Variants in PPP2R2A observed in about 807,000 individuals in gnomAD.
The protein encoded by PPP2R2A is protein phosphatase 2 regulatory subunit Balpha, also known as serine/threonine-protein phosphatase 2A 55 kDa regulatory subunit B alpha isoform.
A neutral mutation model predicts 53.2 loss-of-function variants in PPP2R2A; 9 were observed. The observed-to-expected ratio is 0.17, with a 90% CI of 0.10 to 0.30. The LOEUF is 0.30. Ranked by LOEUF, PPP2R2A falls within the 10% of genes least tolerant of loss-of-function variation. The pLI is 1.00. For missense variants in PPP2R2A, 235 were observed against 534.6 expected (o/e 0.44, Z 5.53); for synonymous variants, 169 against 174.2 (o/e 0.97, Z 0.23).
rs1276226798 is a variant in PPP2R2A, at chr8:26,362,038, ATC to A, written c.638-644_638-643del. Among the ~76,000 whole-genome samples, 1 of 141,088 alleles carries A rather than the reference ATC, an allele frequency of 7.1e-6. No homozygotes were observed. The highest frequency in any genetic ancestry group is 1.6e-5 in the Non-Finnish European group (1 of 64,494). 92.6% of individuals were successfully genotyped at this position (141,088 alleles called of 152,430 possible). Reference sequence around the variant, plus strand: ...TTAGATTAAGATTAGATTAAGATTAATCTTAAGATTAGATTAAGATTAATTTT... The same window carrying A: ...TTAGATTAAGATTAGATTAAGATTAATTAAGATTAGATTAAGATTAATTTT... On this transcript the variant is annotated intron_variant, in intron 6 of 9. Coordinates refer to ENST00000380737, the MANE Select transcript of PPP2R2A (RefSeq NM_002717.4). The surrounding 1 kb of genome is among the most constrained non-coding windows in gnomAD (Gnocchi z 4.4).
intron 2 of PPP2R2A, among the ~76,000 whole-genome samples, chr8:26,306,356 A>G (rs1460916533): frequency 6.6e-6 from 1 of 151,782 alleles, no homozygotes; most frequent in African/African-American, 2.4e-5. Context: ...CTTGCCTGTA[A>G]TCCCAGCTGC....
chr8:26,319,678 G>A (rs1377502081), intron 2 of PPP2R2A, among the ~76,000 whole-genome samples: 2 of 151,898 alleles, frequency 1.3e-5, no homozygotes, highest in Admixed American at 1.3e-4. Flanking sequence ...TATGTGCAGG[G>A]GTTTACTTCT....
At chr8:26,325,003 A>G (rs542757122) in intron 2 of PPP2R2A, among the ~76,000 whole-genome samples, 1 of 149,592 alleles carries the variant, frequency 6.7e-6, no homozygotes, top group African/African-American at 2.5e-5. Flanking sequence ...CCCCCACTGT[A>G]TCTAGGGTGC....
At position 26,362,648 on chromosome 8, in the gene PPP2R2A, T is replaced by C; in HGVS notation, c.638-36T>C. 6.3e-7 allele frequency: 1 copy of C among 1,596,212 alleles called. No homozygotes were observed. Among genetic ancestry groups the C allele is most frequent in the Non-Finnish European group, 8.6e-7 (1 of 1,167,094 alleles). On this transcript the variant is annotated intron_variant, in intron 6 of 9. Coordinates refer to ENST00000380737, the MANE Select transcript of PPP2R2A (RefSeq NM_002717.4). The surrounding 1 kb of genome is among the most constrained non-coding windows in gnomAD (Gnocchi z 4.4). Reference sequence around the variant, plus strand: ...AATGTAGAATTATATTTGCCCTTTTTTCTAAGTGGAAATTCCTTAATAAAA... The same window carrying C: ...AATGTAGAATTATATTTGCCCTTTTCTCTAAGTGGAAATTCCTTAATAAAA...
At chr8:26,326,927 CT>C (rs1803118339) in intron 2 of PPP2R2A, among the ~76,000 whole-genome samples, 1 of 152,200 alleles carries the variant, frequency 6.6e-6, no homozygotes. Context: ...GTATTAGCAG[CT>C]GTTTATCTTT....
intron 3 of PPP2R2A, among the ~76,000 whole-genome samples, chr8:26,351,020 C>T (rs1459116706): frequency 1.3e-5 from 2 of 151,994 alleles, no homozygotes; most frequent in Non-Finnish European, 2.9e-5. Context: ...ACAAGAAAAC[C>T]CACACATTTG....
chr8:26,363,605 G>T (rs2117415316), intron 7 of PPP2R2A, 116 bp from the exon 8 acceptor site: 1 of 878,266 alleles, frequency 1.1e-6, no homozygotes, highest in Non-Finnish European at 1.6e-6. Flanking sequence ...TTCTTTATTA[G>T]CCTGGCATTT....
At chr8:26,369,945 C>G (rs1209383848) in intron 9 of PPP2R2A, among the ~76,000 whole-genome samples, 189 bp from the exon 10 acceptor site, 1 of 152,178 alleles carries the variant, frequency 6.6e-6, no homozygotes, top group Non-Finnish European at 1.5e-5. Context: ...AAAGAATAAG[C>G]AGAAAACCCA....
Position 26,362,148 on chromosome 8 carries a change from T to G in PPP2R2A, c.638-536T>G, listed in dbSNP as rs890387503. 2.0e-5 allele frequency among the ~76,000 whole-genome samples: 3 copies of G among 151,318 alleles called. No homozygotes were observed. The highest frequency in any genetic ancestry group is 2.9e-5 in the Non-Finnish European group (2 of 67,862). On this transcript the variant is annotated intron_variant, in intron 6 of 9. Transcript: ENST00000380737. The surrounding 1 kb of genome is among the most constrained non-coding windows in gnomAD (Gnocchi z 4.4). The stretch of plus-strand genomic sequence containing the variant: ...ATTAAAGATTACGATTAGATTAAGA[T>G]TAGAAAAAGAAATTCACGCAAGTCA...
At chr8:26,323,992 G>C (rs971387727) in intron 2 of PPP2R2A, among the ~76,000 whole-genome samples, 2 of 152,224 alleles carry the variant, frequency 1.3e-5, no homozygotes, top group African/African-American at 4.8e-5. Context: ...CTTATCACAT[G>C]TTAGGACAAG....
chr8:26,365,608 T>C (rs569069063), intron 8 of PPP2R2A: 1 of 152,284 alleles, frequency 6.6e-6, no homozygotes, highest in South Asian at 2.1e-4. Context: ...GAACTTTTGT[T>C]TGTAATTAAT....
At chr8:26,336,379 T>G (rs771976877) in intron 2 of PPP2R2A, among the ~76,000 whole-genome samples, 5 of 152,030 alleles carry the variant, frequency 3.3e-5, no homozygotes, top group Non-Finnish European at 5.9e-5. Flanking sequence ...CAGTGAGGTA[T>G]GATTGAACCA....
chr8:26,320,268 C>G lies in PPP2R2A; in HGVS notation c.83-18622C>G, dbSNP rs143465422. On this transcript the variant is annotated intron_variant, in intron 2 of 9. Coordinates refer to ENST00000380737, the MANE Select transcript of PPP2R2A (RefSeq NM_002717.4). The stretch of plus-strand genomic sequence containing the variant: ...CAGCAGAAGACGAAAAAGCAGAATC[C>G]TGGTTATTTGGCAAACTCTACATGT... Among the ~76,000 whole-genome samples the G allele has an allele frequency of 7.0e-3, 1,070 of 152,254 alleles. 14 individuals carry two copies. Among genetic ancestry groups the G allele is most frequent in the South Asian group, 0.026 (123 of 4,812 alleles).
At chr8:26,335,518 A>T (rs987578819) in intron 2 of PPP2R2A, among the ~76,000 whole-genome samples, 3 of 152,332 alleles carry the variant, frequency 2.0e-5, no homozygotes, top group Middle Eastern at 6.8e-3. Context: ...GAATCTGTCC[A>T]TCTACCCCTC....
chr8:26,291,758 G>A lies in PPP2R2A; in HGVS notation c.-62G>A. ...TCTACCCCCCCATCCCCAGGTGAGG[G>A]GGGTGAGTTCAGGAAGCGGAGACCC... On this transcript the variant is annotated 5_prime_UTR_variant, in exon 1 of 10. Coordinates refer to ENST00000380737, the MANE Select transcript of PPP2R2A (RefSeq NM_002717.4). 6.3e-7 allele frequency: 1 copy of A among 1,581,238 alleles called. No homozygotes were observed. The highest frequency in any genetic ancestry group is 8.6e-7 in the Non-Finnish European group (1 of 1,164,926).
chr8:26,365,998 C>T (rs1805353340), intron 8 of PPP2R2A: 1 of 209,148 alleles, frequency 4.8e-6, no homozygotes, highest in Non-Finnish European at 9.4e-6. Context: ...CTATAATGTT[C>T]TTTTATTAGT....
chr8:26,326,842 CTTCT>C (rs1488948686), intron 2 of PPP2R2A, among the ~76,000 whole-genome samples: 7 of 152,158 alleles, frequency 4.6e-5, no homozygotes, highest in Non-Finnish European at 8.8e-5. Context: ...ATTTAGAGCT[CTTCT>C]TTCTAACATA....
intron 2 of PPP2R2A, among the ~76,000 whole-genome samples, chr8:26,313,626 A>C (rs1157778840): frequency 6.6e-6 from 1 of 152,184 alleles, no homozygotes; most frequent in African/African-American, 2.4e-5. Context: ...AGATAGGGAG[A>C]TCATCCTAGG....
At chr8:26,359,246 A>G (rs1379916677) in intron 4 of PPP2R2A, among the ~76,000 whole-genome samples, 1 of 152,232 alleles carries the variant, frequency 6.6e-6, no homozygotes. Context: ...ACTTAAAGGC[A>G]GAGAGACTAA....
Sources: gnomAD v4.1 joint callset for allele counts (sites outside exome capture counted in the v4.1 genomes callset) on GRCh38, gnomAD v4.1.1 for gene constraint, Gnocchi (gnomAD v3.1) non-coding constraint, MANE v1.5 for transcripts, NCBI Gene and HGNC (gene_info 2026-07-23, HGNC 2026-07-21) for gene names.